TSPAN19: variants seen among roughly 807,000 people sequenced by gnomAD.
TSPAN19 encodes the protein tetraspanin-19.
TSPAN19 carries 44 observed loss-of-function variants against 35.1 expected under a neutral mutation model. The observed-to-expected ratio is 1.25, with a 90% CI of 0.98 to 1.61. TSPAN19 has a LOEUF of 1.61. Ranked by LOEUF, TSPAN19 falls within the 40% of genes most tolerant of loss-of-function variation. The pLI, the probability that TSPAN19 is intolerant of heterozygous loss-of-function variation, is 0.00. For missense variants in TSPAN19, 290 were observed against 280.0 expected (o/e 1.04, Z -0.26); for synonymous variants, 79 against 92.0 (o/e 0.86, Z 0.81).
rs1483300117 is a variant in TSPAN19 at position 85,019,648 on chromosome 12, A to G, written c.428T>C (p.Ile143Thr). ...TACTGTTTTCTGTAAGGCATTCAGA[A>G]TAGTCCACTTGGTTATATCTTCAGG... ...DKPEDITKWTILNALQKTLQC... is the reference protein window; with the variant it reads ...DKPEDITKWTTLNALQKTLQC... The change falls in exon 6 of 9, where the codon ATT becomes ACT. Residue 143 changes from isoleucine (I) to threonine (T), a missense_variant. Ile to Thr is a moderately conservative substitution (Grantham distance 89). Transcript: ENST00000532498. 1.2e-6 allele frequency: 2 copies of G among 1,605,364 alleles called. No homozygotes were observed. Among genetic ancestry groups the G allele is most frequent in the African/African-American group, 1.3e-5 (1 of 74,584 alleles).
Position 85,017,495 on chromosome 12 carries a change from T to C in TSPAN19, c.555A>G (p.Lys185=), listed in dbSNP as rs763715223. The C allele has an allele frequency of 6.2e-7, 1 of 1,608,880 alleles. No homozygotes were observed. Among genetic ancestry groups the C allele is most frequent in the East Asian group, 2.2e-5 (1 of 44,668 alleles). ...CATTCAGTGGCTCATCACAAAACCA[T>C]TTTCTTAAAGTTGACTTTGTGCAAG... ...PCSCTKSTLR[K]WFCDEPLNAT... is the part of the protein sequence containing the mutation. Residue 185 remains lysine, a synonymous_variant, in exon 7 of 9, where the codon AAA becomes AAG. Coordinates refer to ENST00000532498, the MANE Select transcript of TSPAN19 (RefSeq NM_001100917.2).
intron 3 of TSPAN19, among the ~76,000 whole-genome samples, chr12:85,029,268 T>C (rs1302642947): frequency 6.6e-6 from 1 of 152,126 alleles, no homozygotes; most frequent in African/African-American, 2.4e-5. Context: ...AAGCTTTTAA[T>C]AGGAAAGTTA....
chr12:85,017,682 G>T, intron 6 of TSPAN19, 83 bp from the exon 7 acceptor site: 1 of 1,049,928 alleles, frequency 9.5e-7, no homozygotes, highest in Non-Finnish European at 1.3e-6. Flanking sequence ...AGTGGTTTTT[G>T]TGATGAAGAT....
chr12:85,031,602 T>C (rs1394260354), intron 1 of TSPAN19, among the ~76,000 whole-genome samples: 1 of 152,146 alleles, frequency 6.6e-6, no homozygotes, highest in African/African-American at 2.4e-5. Flanking sequence ...TAAACTTTTA[T>C]TTATCTCAGT....
chr12:85,021,687 T>G (rs1877135863), intron 5 of TSPAN19, among the ~76,000 whole-genome samples: 1 of 152,128 alleles, frequency 6.6e-6, no homozygotes, highest in Non-Finnish European at 1.5e-5. Context: ...CTGAGTTAGG[T>G]ACTGTAAATG....
intron 1 of TSPAN19, among the ~76,000 whole-genome samples, chr12:85,031,112 C>T (rs369687428): frequency 6.6e-6 from 1 of 152,092 alleles, no homozygotes; most frequent in African/African-American, 2.4e-5. Context: ...TTATCGTAAA[C>T]CATCTTCCTC....
chr12:85,025,056 A>C (rs554124870), intron 4 of TSPAN19, among the ~76,000 whole-genome samples: 1 of 152,236 alleles, frequency 6.6e-6, no homozygotes, highest in Non-Finnish European at 1.5e-5. Context: ...TTAGATGTTT[A>C]GATTTTTAAC....
chr12:85,023,229 T>A, intron 5 of TSPAN19, 97 bp downstream of exon 5: 1 of 1,061,738 alleles, frequency 9.4e-7, no homozygotes, highest in Non-Finnish European at 1.4e-6. Context: ...TACCTTTGGC[T>A]TTTAATATAG....
At position 85,023,370 on chromosome 12, in the gene TSPAN19, C is replaced by T. The variant is rs969429807; in HGVS notation, c.295G>A (p.Val99Ile). The T allele has an allele frequency of 1.3e-6, 2 of 1,588,394 alleles. No homozygotes were observed. Among genetic ancestry groups the T allele is most frequent in the South Asian group, 1.2e-5 (1 of 86,750 alleles). Residue 99 changes from valine (V) to isoleucine (I), a missense_variant, in exon 5 of 9, where the codon GTT becomes ATT. Val to Ile is a conservative substitution (Grantham distance 29). Coordinates refer to ENST00000532498, the MANE Select transcript of TSPAN19 (RefSeq NM_001100917.2). ...ATGAATGCTGAAAGTACAACCTGAACAGCAAAGGTCCATGTTATCAATACT... is the reference window on the plus strand; with the variant it reads ...ATGAATGCTGAAAGTACAACCTGAATAGCAAAGGTCCATGTTATCAATACT... Reference protein sequence around the residue: ...YAVLITWTFAVQVVLSAFIIT... With the variant: ...YAVLITWTFAIQVVLSAFIIT...
In TSPAN19 at chr12:85,017,273, T is replaced by A. The variant is rs1336548919; in HGVS notation, c.594+183A>T. 4 of 577,446 alleles carry A rather than the reference T, an allele frequency of 6.9e-6. No homozygotes were observed. The East Asian group carries it at 1.2e-4, about 17-fold the overall frequency. 35.8% of individuals were successfully genotyped at this position (577,446 alleles called of 1,614,324 possible). On this transcript the variant is annotated intron_variant, in intron 7 of 8. Coordinates refer to ENST00000532498, the MANE Select transcript of TSPAN19 (RefSeq NM_001100917.2). ...GGAAATTTATTTACTTTACGTATTA[T>A]ACACTGGAAATGACACTACAATTTA... is the stretch of plus-strand genomic sequence containing the variant.
At chr12:85,026,595 T>C (rs893328644) in intron 4 of TSPAN19, among the ~76,000 whole-genome samples, 1 of 152,064 alleles carries the variant, frequency 6.6e-6, no homozygotes, top group African/African-American at 2.4e-5. Flanking sequence ...AAATTACTAT[T>C]AATAGGAAGC....
chr12:85,022,625 T>TACATACA (rs1278334795), intron 5 of TSPAN19, among the ~76,000 whole-genome samples: 1 of 152,126 alleles, frequency 6.6e-6, no homozygotes, highest in Non-Finnish European at 1.5e-5. Flanking sequence ...AGCAAGTTGG[T>TACATACA]GATCCCTAAC....
chr12:85,029,675 T>C, intron 3 of TSPAN19, 44 bp downstream of exon 3: 2 of 1,403,346 alleles, frequency 1.4e-6, no homozygotes, highest in South Asian at 1.3e-5. Flanking sequence ...TGTTAAAAAT[T>C]GAATGTCTAT....
chr12:85,020,426 T>C (rs1877059642), intron 5 of TSPAN19, among the ~76,000 whole-genome samples: 1 of 152,022 alleles, frequency 6.6e-6, no homozygotes, highest in South Asian at 2.1e-4. Flanking sequence ...TGTATATTTC[T>C]ACAAAAGTTA....
At chr12:85,019,973 G>A (rs867929402) in intron 5 of TSPAN19, among the ~76,000 whole-genome samples, 3 of 151,706 alleles carry the variant, frequency 2.0e-5, no homozygotes, top group Non-Finnish European at 4.4e-5. Context: ...TACAATTAAG[G>A]AAGAAGTAAT....
intron 6 of TSPAN19, 71 bp downstream of exon 6, chr12:85,019,555 C>T: frequency 1.0e-6 from 1 of 958,706 alleles, no homozygotes; most frequent in Non-Finnish European, 1.7e-6. Flanking sequence ...ATCCCCTGCC[C>T]TGACCTATTC....
At chr12:85,023,526 C>T (rs942403394) in intron 4 of TSPAN19, 126 bp from the exon 5 acceptor site, 10 of 605,098 alleles carry the variant, frequency 1.7e-5, no homozygotes, top group Non-Finnish European at 2.7e-5. Context: ...ATTGCTGAGG[C>T]TTCCTGCCTT....
At chr12:85,025,719 G>T (rs1877377866) in intron 4 of TSPAN19, among the ~76,000 whole-genome samples, 1 of 151,902 alleles carries the variant, frequency 6.6e-6, no homozygotes, top group South Asian at 2.1e-4. Flanking sequence ...TAGAGATGGG[G>T]TTTCCCCATG....
At chr12:85,034,348 C>T (rs547553973) in intron 1 of TSPAN19, among the ~76,000 whole-genome samples, 203 of 152,188 alleles carry the variant, frequency 1.3e-3, no homozygotes, top group Non-Finnish European at 1.6e-3. Context: ...AAAATGATTT[C>T]ACTACAACAC....
Sources: allele counts gnomAD v4.1 joint callset (sites outside exome capture counted in the v4.1 genomes callset), GRCh38; gene constraint gnomAD v4.1.1; transcripts MANE v1.5; gene names NCBI Gene and HGNC (gene_info 2026-07-23, HGNC 2026-07-21).